SOHLH2: variants seen among roughly 807,000 people sequenced by gnomAD.
SOHLH2 encodes the protein spermatogenesis and oogenesis specific basic helix-loop-helix 2, also known as spermatogenesis- and oogenesis-specific basic helix-loop-helix-containing protein 2.
A neutral mutation model predicts 50.4 loss-of-function variants in SOHLH2; 22 were observed. The observed-to-expected ratio is 0.44, with a 90% CI of 0.31 to 0.62. SOHLH2 has a LOEUF of 0.62. Among genes scored for constraint, SOHLH2 ranks in the 20% least tolerant of loss-of-function variants. The pLI is 0.08. For missense variants in SOHLH2, 412 were observed against 504.4 expected, an observed-to-expected ratio of 0.82 and a Z score of 1.76; for synonymous variants, 185 against 187.3, an observed-to-expected ratio of 0.99 and a Z score of 0.10.
At chr13:36,213,238 ATCAGATATTTCAT>A (rs1368490840) in intron 1 of SOHLH2, among the ~76,000 whole-genome samples, 1 of 152,216 alleles carries the variant, frequency 6.6e-6, no homozygotes, top group Non-Finnish European at 1.5e-5. Flanking sequence ...CTACTAGATA[ATCAGATATTTCAT>A]TCAGAATTCA....
Position 36,201,884 on chromosome 13 carries a change from T to C in SOHLH2, c.258A>G (p.Leu86=), listed in dbSNP as rs368169437. 2 of 1,614,102 alleles carry C rather than the reference T, an allele frequency of 1.2e-6. No homozygotes were observed. The highest frequency in any genetic ancestry group is 1.3e-5 in the African/African-American group (1 of 74,932). The change falls in exon 2 of 11, where the codon TTA becomes TTG. Residue 86 remains leucine, a synonymous_variant. Transcript: ENST00000379881. ...TCAAGGCTTTTGAAGTTTACCTAAT[T>C]AACTTGATGGCTTCCAGCTCCTCGG... ...LSAEELEAIK[L]IRFGKKKNTH...
In SOHLH2 at chr13:36,168,944, G is replaced by C; in HGVS notation, c.*90C>G. On this transcript the variant is annotated 3_prime_UTR_variant, in exon 11 of 11. Transcript: ENST00000379881. ...TTTTGATATTAGGTCTTTGGGTGGAGCTTTCAAAATCATTCTTTGTTCCAC... is the reference window on the plus strand; with the variant it reads ...TTTTGATATTAGGTCTTTGGGTGGACCTTTCAAAATCATTCTTTGTTCCAC... 6.5e-7 allele frequency: 1 copy of C among 1,539,408 alleles called. No individual in the cohort carries two copies. The highest frequency in any genetic ancestry group is 2.4e-5 in the East Asian group (1 of 41,596).
intron 6 of SOHLH2, among the ~76,000 whole-genome samples, chr13:36,175,731 T>G (rs1887080307): frequency 6.6e-6 from 1 of 152,142 alleles, no homozygotes; most frequent in Non-Finnish European, 1.5e-5. Flanking sequence ...AAAACCTAGT[T>G]TGACATACGG....
chr13:36,171,137 T>C (rs1268562050), intron 9 of SOHLH2, among the ~76,000 whole-genome samples: 1 of 152,178 alleles, frequency 6.6e-6, no homozygotes, highest in Non-Finnish European at 1.5e-5. Flanking sequence ...GAATGGTTTA[T>C]ATCATCATAT....
chr13:36,210,317 A>G (rs993832248), intron 1 of SOHLH2, among the ~76,000 whole-genome samples: 3 of 152,154 alleles, frequency 2.0e-5, no homozygotes, highest in Non-Finnish European at 4.4e-5. Context: ...AGCCTGGACT[A>G]TCACTAAAAT....
intron 6 of SOHLH2, among the ~76,000 whole-genome samples, chr13:36,180,175 T>C (rs1388388440): frequency 1.3e-5 from 2 of 152,228 alleles, no homozygotes; most frequent in African/African-American, 4.8e-5. Flanking sequence ...TCTACTGGCA[T>C]AAAATTGTTC....
chr13:36,171,328 A>C (rs1886957206), intron 9 of SOHLH2, among the ~76,000 whole-genome samples: 1 of 152,228 alleles, frequency 6.6e-6, no homozygotes, highest in Non-Finnish European at 1.5e-5. Context: ...TGGAAAAATA[A>C]TTTAAGCAAC....
At chr13:36,198,517 T>G (rs1423336955) in intron 2 of SOHLH2, among the ~76,000 whole-genome samples, 1 of 152,184 alleles carries the variant, frequency 6.6e-6, no homozygotes, top group Non-Finnish European at 1.5e-5. Flanking sequence ...AATAAAAATA[T>G]ACTCTTTCAA....
chr13:36,173,628 C>T (rs1386953515), intron 9 of SOHLH2, 64 bp downstream of exon 9: 6 of 1,593,178 alleles, frequency 3.8e-6, no homozygotes, highest in Middle Eastern at 4.5e-4. Flanking sequence ...TGCACAGGAG[C>T]CTGGGGGTTT....
At chr13:36,210,627 G>T (rs770541305) in intron 1 of SOHLH2, among the ~76,000 whole-genome samples, 7 of 152,104 alleles carry the variant, frequency 4.6e-5, no homozygotes, top group Non-Finnish European at 1.0e-4. Flanking sequence ...GGAGTTTGGG[G>T]TAGATGGGGA....
At chr13:36,199,609 T>A (rs1307835728) in intron 2 of SOHLH2, among the ~76,000 whole-genome samples, 1 of 152,232 alleles carries the variant, frequency 6.6e-6, no homozygotes, top group Non-Finnish European at 1.5e-5. Flanking sequence ...ACCGTTTGCA[T>A]AGCTATACAC....
At chr13:36,191,924 T>A in intron 4 of SOHLH2, 30 bp from the exon 5 acceptor site, 1 of 1,612,650 alleles carries the variant, frequency 6.2e-7, no homozygotes, top group Non-Finnish European at 8.5e-7. Context: ...AACTATTTAT[T>A]TCTGAAGTCA....
chr13:36,203,962 T>C (rs562744054), intron 1 of SOHLH2, among the ~76,000 whole-genome samples: 1 of 147,464 alleles, frequency 6.8e-6, no homozygotes, highest in Admixed American at 6.8e-5. Flanking sequence ...TTGTTTTTTT[T>C]TTTTTTTTTG....
chr13:36,205,290 C>G (rs1257009432), intron 1 of SOHLH2, among the ~76,000 whole-genome samples: 2 of 152,048 alleles, frequency 1.3e-5, no homozygotes, highest in African/African-American at 4.8e-5. Flanking sequence ...CTAGAACATC[C>G]AAAACAAAGG....
At chr13:36,207,415 G>A (rs1057361060) in intron 1 of SOHLH2, among the ~76,000 whole-genome samples, 5 of 151,632 alleles carry the variant, frequency 3.3e-5, no homozygotes, top group African/African-American at 1.2e-4. Context: ...TATACCTTAA[G>A]TGCTTAATTG....
chr13:36,175,864 T>C (rs1887085114), intron 6 of SOHLH2, among the ~76,000 whole-genome samples: 1 of 152,144 alleles, frequency 6.6e-6, no homozygotes, highest in Non-Finnish European at 1.5e-5. Context: ...GAGTCAACAA[T>C]TTGACAACGT....
intron 2 of SOHLH2, 51 bp downstream of exon 2, chr13:36,201,828 T>G: frequency 6.3e-7 from 1 of 1,592,436 alleles, no homozygotes; most frequent in Non-Finnish European, 8.5e-7. Flanking sequence ...AAAAAATGGG[T>G]TTTTAAAAAA....
rs764218457 is a variant in SOHLH2, at chr13:36,184,459, C to CTTTTTTT, written c.641+5486_641+5487insAAAAAAA. Among the ~76,000 whole-genome samples the CTTTTTTT allele has an allele frequency of 9.8e-5, 8 of 81,688 alleles. 2 individuals carry two copies. The highest frequency in any genetic ancestry group is 1.5e-4 in the African/African-American group (3 of 20,400). The allele number at this position is 81,688 out of a possible 152,430, so 53.6% of individuals were successfully genotyped here. ...TGATGGAAGTTTCTACCTACAAAGA[C>CTTTTTTT]CTTTTTTTTTTTTTTTTTTTGAGAC... On this transcript the variant is annotated intron_variant, in intron 6 of 10. Coordinates refer to ENST00000379881, the MANE Select transcript of SOHLH2 (RefSeq NM_017826.3).
intron 10 of SOHLH2, among the ~76,000 whole-genome samples, chr13:36,169,949 C>T (rs1181061614): frequency 1.3e-5 from 2 of 152,202 alleles, no homozygotes; most frequent in East Asian, 3.8e-4. Flanking sequence ...TCTGCATCCC[C>T]TTAACACTAA....
Sources: allele counts gnomAD v4.1 joint callset (sites outside exome capture counted in the v4.1 genomes callset), GRCh38; gene constraint gnomAD v4.1.1; transcripts MANE v1.5; gene names NCBI Gene and HGNC (gene_info 2026-07-23, HGNC 2026-07-21).